Variants in RBPMS observed in about 807,000 individuals in gnomAD.
The protein encoded by RBPMS is RNA-binding protein with multiple splicing.
RBPMS carries 7 observed loss-of-function variants against 26.8 expected under a neutral mutation model. The observed-to-expected ratio is 0.26, with a 90% CI of 0.15 to 0.49. The LOEUF is 0.49. RBPMS is among the 20% of genes least tolerant of loss of function. The pLI, the probability that RBPMS is intolerant of heterozygous loss-of-function variation, is 0.98. For missense variants in RBPMS, 186 were observed against 250.0 expected (o/e 0.74, Z 1.73); for synonymous variants, 96 against 93.3 (o/e 1.03, Z -0.17).
chr8:30,474,881 T>C (rs773444466), intron 2 of RBPMS, 25 bp downstream of exon 2: 1 of 1,470,308 alleles, frequency 6.8e-7, no homozygotes. Flanking sequence ...CTTTCAGAAA[T>C]TATAAAATGA....
intron 5 of RBPMS, among the ~76,000 whole-genome samples, chr8:30,543,303 G>A (rs1474556923): frequency 6.6e-6 from 1 of 152,134 alleles, no homozygotes; most frequent in Non-Finnish European, 1.5e-5. Context: ...ACATCACACC[G>A]AGCAAAGCAG....
intron 1 of RBPMS, among the ~76,000 whole-genome samples, chr8:30,465,924 C>T (rs768679115): frequency 5.9e-5 from 9 of 152,138 alleles, no homozygotes; most frequent in Non-Finnish European, 2.9e-5. Context: ...ACTTGCTGTC[C>T]GTATTCTCTG....
intron 1 of RBPMS, among the ~76,000 whole-genome samples, chr8:30,441,192 C>G (rs1042981043): frequency 5.3e-5 from 8 of 152,106 alleles, no homozygotes; most frequent in Non-Finnish European, 4.4e-5. Context: ...CTTTGAGCAC[C>G]TGGGGTTGGA....
chr8:30,485,571 G>A (rs1818687093), intron 4 of RBPMS, among the ~76,000 whole-genome samples: 1 of 152,238 alleles, frequency 6.6e-6, no homozygotes, highest in South Asian at 2.1e-4. Flanking sequence ...TGACGTCACA[G>A]GGTTGGGAAC....
chr8:30,558,792 G>A (rs1374984691), intron 6 of RBPMS, 95 bp from the exon 7 acceptor site: 2 of 1,029,814 alleles, frequency 1.9e-6, no homozygotes, highest in African/African-American at 1.6e-5. Flanking sequence ...TACCATCTTG[G>A]AACAGTAGGG....
chr8:30,556,612 A>G, intron 6 of RBPMS: 9 of 986,150 alleles, frequency 9.1e-6, no homozygotes, highest in African/African-American at 1.7e-5. Context: ...TGCGCTCCAC[A>G]CTGACCCAGT....
intron 6 of RBPMS, among the ~76,000 whole-genome samples, chr8:30,557,341 C>T (rs1372044616): frequency 6.6e-6 from 1 of 152,124 alleles, no homozygotes; most frequent in East Asian, 1.9e-4. Context: ...GGTGCTGTGT[C>T]GGATTTCTCT....
chr8:30,413,682 G>A (rs915851586), intron 1 of RBPMS, among the ~76,000 whole-genome samples: 11 of 151,750 alleles, frequency 7.2e-5, no homozygotes, highest in Admixed American at 3.9e-4. Flanking sequence ...GCATGATCTC[G>A]GCTCAGTGCA....
chr8:30,477,751 T>A lies in RBPMS; in HGVS notation c.145-48T>A, dbSNP rs550350965. On this transcript the variant is annotated intron_variant, in intron 2 of 8. Transcript: ENST00000397323. ...ACTTATTTTTACATGAACAAGATGG[T>A]ATTACTACAGTTACTTTTGGCTAAA... The A allele has an allele frequency of 1.5e-5, 19 of 1,260,282 alleles. No homozygotes were observed. The African/African-American group carries it at 2.7e-4, about 18-fold the overall frequency. The allele number at this position is 1,260,282 out of a possible 1,614,324, so 78.1% of individuals were successfully genotyped here.
chr8:30,446,858 C>CGCACGTGCGT (rs1563326721), intron 1 of RBPMS: 1 of 129,912 alleles, frequency 7.7e-6, no homozygotes, highest in African/African-American at 3.0e-5. Context: ...CGCGCGCGCG[C>CGCACGTGCGT]GGTGGAGGGT....
chr8:30,450,807 A>AAG, intron 1 of RBPMS, among the ~76,000 whole-genome samples: 1 of 140,472 alleles, frequency 7.1e-6, no homozygotes, highest in African/African-American at 2.5e-5. Context: ...AAAAAAAAAA[A>AAG]AAAGTGTGTT....
At chr8:30,442,153 C>T (rs1345282174) in intron 1 of RBPMS, among the ~76,000 whole-genome samples, 1 of 152,116 alleles carries the variant, frequency 6.6e-6, no homozygotes, top group East Asian at 1.9e-4. Flanking sequence ...TCTCGAACTC[C>T]TGGGCTCAAG....
In RBPMS at chr8:30,571,031, T is replaced by C. The variant is rs1435433506; in HGVS notation, c.*506T>C. 2 of 152,152 alleles carry C rather than the reference T, an allele frequency of 1.3e-5. No homozygotes were observed. Among genetic ancestry groups the C allele is most frequent in the African/African-American group, 4.8e-5 (2 of 41,394 alleles). 9.4% of individuals were successfully genotyped at this position (152,152 alleles called of 1,614,324 possible). A position where few individuals can be genotyped will look rare whatever the true frequency, so the allele number is the denominator to read the frequency against. On this transcript the variant is annotated 3_prime_UTR_variant, in exon 9 of 9. Transcript: ENST00000397323. ...ATGTTTGAGGCATGTTTCCAAATAT[T>C]ATCAAAATATCCTGAATTGTATTGT...
chr8:30,495,042 G>A (rs1002829182), intron 4 of RBPMS, among the ~76,000 whole-genome samples: 5 of 152,092 alleles, frequency 3.3e-5, no homozygotes, highest in African/African-American at 1.2e-4. Flanking sequence ...TTATCCCTCT[G>A]GTTAATGAGG....
At chr8:30,532,075 GTTC>G (rs1210054178) in intron 5 of RBPMS, among the ~76,000 whole-genome samples, 3 of 152,070 alleles carry the variant, frequency 2.0e-5, no homozygotes, top group African/African-American at 7.2e-5. Context: ...GAAGAGCATT[GTTC>G]TTATTTTAAA....
intron 5 of RBPMS, among the ~76,000 whole-genome samples, chr8:30,504,708 T>C (rs1159759000): frequency 6.6e-6 from 1 of 152,230 alleles, no homozygotes; most frequent in Non-Finnish European, 1.5e-5. Context: ...TTGACCATCA[T>C]GAGTATGCCC....
intron 1 of RBPMS, among the ~76,000 whole-genome samples, chr8:30,468,364 A>G (rs1327542735): frequency 6.6e-6 from 1 of 151,868 alleles, no homozygotes; most frequent in Non-Finnish European, 1.5e-5. Flanking sequence ...ATTTCAGTCT[A>G]TCTCTTACAT....
At chr8:30,550,178 T>C (rs1826242314) in intron 6 of RBPMS, among the ~76,000 whole-genome samples, 1 of 152,234 alleles carries the variant, frequency 6.6e-6, no homozygotes, top group South Asian at 2.1e-4. Context: ...GCCTGTGCTC[T>C]GAGCTGCGCC....
At chr8:30,455,616 G>A (rs1409269556) in intron 1 of RBPMS, among the ~76,000 whole-genome samples, 2 of 152,126 alleles carry the variant, frequency 1.3e-5, no homozygotes, top group Non-Finnish European at 2.9e-5. Flanking sequence ...CAGGCCGGGC[G>A]TGGGAGCTCA....
Sources: allele counts gnomAD v4.1 joint callset (sites outside exome capture counted in the v4.1 genomes callset), GRCh38; gene constraint gnomAD v4.1.1; transcripts MANE v1.5; gene names NCBI Gene and HGNC (gene_info 2026-07-23, HGNC 2026-07-21).